Variants in ESYT3 observed in about 807,000 individuals in gnomAD.
The protein encoded by ESYT3 is extended synaptotagmin 3.
ESYT3 carries 101 observed loss-of-function variants against 111.5 expected under a neutral mutation model. The ratio of observed to expected loss-of-function variants is 0.91; its 90% CI spans 0.77 to 1.07. The LOEUF is 1.07. Among genes scored for constraint, ESYT3 ranks in the 50% least tolerant of loss-of-function variants. The pLI is 0.00. For missense variants in ESYT3, 1,097 were observed against 1,109.4 expected (o/e 0.99, Z 0.16); for synonymous variants, 416 against 446.8 (o/e 0.93, Z 0.87).
intron 22 of ESYT3, 111 bp from the exon 23 acceptor site, chr3:138,476,707 C>A: frequency 8.4e-7 from 1 of 1,191,152 alleles, no homozygotes; most frequent in Non-Finnish European, 1.2e-6. Flanking sequence ...TACAGAGAGA[C>A]AGGTTCTGCT....
intron 2 of ESYT3, among the ~76,000 whole-genome samples, chr3:138,453,903 C>T (rs1255817431): frequency 6.6e-6 from 1 of 152,166 alleles, no homozygotes; most frequent in African/African-American, 2.4e-5. Context: ...CCCAAGCTGG[C>T]CTTGAACTCC....
At chr3:138,476,398 T>C (rs778261560) in intron 21 of ESYT3, 45 bp from the exon 22 acceptor site, 10 of 1,607,202 alleles carry the variant, frequency 6.2e-6, no homozygotes, top group Middle Eastern at 1.6e-4. Flanking sequence ...TTTCTTTCCT[T>C]AATGCAGTGT....
Position 138,440,725 on chromosome 3 carries a change from T to G in ESYT3, c.327+5600T>G, listed in dbSNP as rs1264487037. Among the ~76,000 whole-genome samples, 2 of 152,222 alleles carry G rather than the reference T, an allele frequency of 1.3e-5. No individual in the cohort carries two copies. The highest frequency in any genetic ancestry group is 4.8e-5 in the African/African-American group (2 of 41,456). On this transcript the variant is annotated intron_variant, in intron 1 of 22. Transcript: ENST00000389567. The surrounding 1 kb of genome is among the most constrained non-coding windows in gnomAD (Gnocchi z 4.2). ...TGCCCCATGTCTTAATGATGGTTCATGGACTTATCATGTCCTGGGCCAGGA... is the reference window on the plus strand; with the variant it reads ...TGCCCCATGTCTTAATGATGGTTCAGGGACTTATCATGTCCTGGGCCAGGA...
intron 7 of ESYT3, 25 bp from the exon 8 acceptor site, chr3:138,462,061 A>G (rs1299643119): frequency 6.2e-7 from 1 of 1,613,444 alleles, no homozygotes; most frequent in Middle Eastern, 1.7e-4. Context: ...CCACCCCTCC[A>G]CAGCTGGTCC....
At chr3:138,459,363 AAC>A in intron 5 of ESYT3, 110 bp downstream of exon 5, 1 of 794,406 alleles carries the variant, frequency 1.3e-6, no homozygotes, top group Non-Finnish European at 1.9e-6. Flanking sequence ...GGCAACACTA[AAC>A]ACAGAGGATG....
At chr3:138,452,020 T>C in intron 1 of ESYT3, 28 bp from the exon 2 acceptor site, 1 of 1,613,428 alleles carries the variant, frequency 6.2e-7, no homozygotes, top group Non-Finnish European at 8.5e-7. Flanking sequence ...GCTTCTAGTC[T>C]AACTTCCCCT....
At chr3:138,441,184 T>TG (rs1004460746) in intron 1 of ESYT3, among the ~76,000 whole-genome samples, 7 of 152,174 alleles carry the variant, frequency 4.6e-5, no homozygotes, top group Non-Finnish European at 8.8e-5. Context: ...TATTGCATCT[T>TG]GGGGTGAGCA....
chr3:138,459,822 G>C (rs1395725775), intron 5 of ESYT3, 123 bp from the exon 6 acceptor site: 1 of 768,530 alleles, frequency 1.3e-6, no homozygotes, highest in Admixed American at 2.4e-5. Flanking sequence ...GCTTGGGGCA[G>C]GTGGCCCTGA....
At chr3:138,470,794 C>A in intron 16 of ESYT3, 83 bp from the exon 17 acceptor site, 1 of 1,596,346 alleles carries the variant, frequency 6.3e-7, no homozygotes. Context: ...GAAGTAAACC[C>A]AAACTTGGCT....
intron 3 of ESYT3, among the ~76,000 whole-genome samples, chr3:138,455,747 A>G (rs910125244): frequency 6.6e-6 from 1 of 152,196 alleles, no homozygotes; most frequent in Non-Finnish European, 1.5e-5. Context: ...ATTCTCCACT[A>G]ATTGGCTGTT....
At chr3:138,459,071 G>C in intron 4 of ESYT3, 116 bp from the exon 5 acceptor site, 1 of 725,414 alleles carries the variant, frequency 1.4e-6, no homozygotes, top group Non-Finnish European at 2.3e-6. Context: ...TAGAGCTCAG[G>C]GTCGGCAACT....
At chr3:138,463,834 G>C (rs775686486) in intron 8 of ESYT3, among the ~76,000 whole-genome samples, 7 of 152,016 alleles carry the variant, frequency 4.6e-5, no homozygotes, top group Non-Finnish European at 8.8e-5. Context: ...CAAGTGTAGG[G>C]AGGGGGTCTG....
In ESYT3 at chr3:138,464,353, C is replaced by T; in HGVS notation, c.924C>T (p.Ile308=). The T allele has an allele frequency of 6.2e-7, 1 of 1,614,020 alleles. No individual in the cohort carries two copies. The highest frequency in any genetic ancestry group is 8.5e-7 in the Non-Finnish European group (1 of 1,179,940). ...GCTTGGACATTTTCCAGGGGGTGAT[C>T]AGAGTGCACTTGCTGGAGGCAGAGC... ...NLRFPLPCGV[I]RVHLLEAEQL... Residue 308 remains isoleucine, a synonymous_variant, in exon 9 of 23, where the codon ATC becomes ATT. Transcript: ENST00000389567.
Position 138,471,084 on chromosome 3 carries a change from G to C in ESYT3, c.1740+58G>C. 7 of 1,436,022 alleles carry C rather than the reference G, an allele frequency of 4.9e-6. No homozygotes were observed. The South Asian group carries it at 6.9e-5, about 14-fold the overall frequency. The allele number at this position is 1,436,022 out of a possible 1,614,324, so 89.0% of individuals were successfully genotyped here. A position where few individuals can be genotyped will look rare whatever the true frequency, so the allele number is the denominator to read the frequency against. ...GAATAGAGCTCTGGCAATGGAGCAAGGTGTACTGCCCCAGCACTAAGCACC... is the reference window on the plus strand; with the variant it reads ...GAATAGAGCTCTGGCAATGGAGCAACGTGTACTGCCCCAGCACTAAGCACC... On this transcript the variant is annotated intron_variant, in intron 17 of 22. Transcript: ENST00000389567.
intron 1 of ESYT3, 102 bp from the exon 2 acceptor site, chr3:138,451,946 T>C (rs13095961): frequency 3.9e-6 from 5 of 1,269,766 alleles, no homozygotes; most frequent in Non-Finnish European, 5.7e-6. Flanking sequence ...AGGGTTGAGG[T>C]GCAGCGCGTG....
intron 15 of ESYT3, 67 bp from the exon 16 acceptor site, chr3:138,469,993 A>C: frequency 7.2e-7 from 1 of 1,388,988 alleles, no homozygotes; most frequent in Non-Finnish European, 1.0e-6. Flanking sequence ...GAGTGATAGC[A>C]GAGGGTGCCG....
chr3:138,479,925 AGGT>A (rs1419483615), downstream of ESYT3: 1 of 152,204 alleles, frequency 6.6e-6, no homozygotes, highest in African/African-American at 2.4e-5. Flanking sequence ...AACTAGTAAA[AGGT>A]GGTTAAGTTT....
In ESYT3 at chr3:138,472,639, A is replaced by G; in HGVS notation, c.2017A>G (p.Lys673Glu). 6.2e-7 allele frequency: 1 copy of G among 1,614,246 alleles called. No homozygotes were observed. The change falls in exon 18 of 23, where the codon AAA becomes GAA. Residue 673 changes from lysine (K) to glutamate (E), a missense_variant. Coordinates refer to ENST00000389567, the MANE Select transcript of ESYT3 (RefSeq NM_031913.5). ...GPEPKGKDSA[K>E]RFCEPIGEKK... ...AGAGCCTAAAGGCAAGGACAGTGCC[A>G]AAAGGTTCTGTGAGCCCATCGGGGA...
intron 2 of ESYT3, among the ~76,000 whole-genome samples, chr3:138,453,821 A>C (rs1358469856): frequency 1.3e-5 from 2 of 152,046 alleles, no homozygotes; most frequent in Non-Finnish European, 2.9e-5. Flanking sequence ...TTCCAAATTT[A>C]CCCAGAGGCT....
Sources: gnomAD v4.1 joint callset for allele counts (sites outside exome capture counted in the v4.1 genomes callset) on GRCh38, gnomAD v4.1.1 for gene constraint, Gnocchi (gnomAD v3.1) non-coding constraint, MANE v1.5 for transcripts, NCBI Gene and HGNC (gene_info 2026-07-23, HGNC 2026-07-21) for gene names.